MED13L: variants seen among roughly 807,000 people sequenced by gnomAD.
The protein encoded by MED13L is mediator complex subunit 13L, also known as mediator of RNA polymerase II transcription subunit 13-like.
In MED13L, 7 loss-of-function variants were observed where a neutral mutation model predicts 220.9. The observed-to-expected ratio is 0.03, with a 90% CI of 0.02 to 0.06. The LOEUF is 0.06. Ranked by LOEUF, MED13L falls within the 10% of genes least tolerant of loss-of-function variation. The pLI, the probability that MED13L is intolerant of heterozygous loss-of-function variation, is 1.00. For missense variants in MED13L, 1,965 were observed against 2,760.5 expected, an observed-to-expected ratio of 0.71 and a Z score of 6.46; for synonymous variants, 1,011 against 1,015.2, an observed-to-expected ratio of 1.00 and a Z score of 0.08.
At chr12:116,140,234 T>C (rs1876944192) in intron 2 of MED13L, among the ~76,000 whole-genome samples, 1 of 152,328 alleles carries the variant, frequency 6.6e-6, no homozygotes, top group South Asian at 2.1e-4. Context: ...TTAATATTTA[T>C]GCGTGATTAT....
chr12:116,276,308 T>TTGTGTGTGTGTGTGTGTGTGTGTGTGTG, intron 1 of MED13L: 1 of 222,462 alleles, frequency 4.5e-6, no homozygotes, highest in African/African-American at 2.5e-5. Flanking sequence ...CTTGTTGCTT[T>TTGTGTGTGTGTGTGTGTGTGTGTGTGTG]TGTGTGTGTG....
intron 2 of MED13L, among the ~76,000 whole-genome samples, chr12:116,144,254 A>G (rs1480273606): frequency 1.3e-5 from 2 of 152,234 alleles, no homozygotes; most frequent in Non-Finnish European, 2.9e-5. Context: ...CATCACCGAT[A>G]AAGTCCACAT....
intron 2 of MED13L, among the ~76,000 whole-genome samples, chr12:116,147,421 C>A (rs972129892): frequency 6.6e-6 from 1 of 152,186 alleles, no homozygotes; most frequent in Non-Finnish European, 1.5e-5. Context: ...GTATCAGACT[C>A]TTCACATCAT....
chr12:116,127,669 T>C (rs955700081), intron 2 of MED13L, among the ~76,000 whole-genome samples: 1 of 152,186 alleles, frequency 6.6e-6, no homozygotes, highest in Non-Finnish European at 1.5e-5. Context: ...ACAGAAATTG[T>C]CATCCCGTTT....
chr12:116,229,914 T>C (rs1869390476), intron 2 of MED13L, among the ~76,000 whole-genome samples: 1 of 152,156 alleles, frequency 6.6e-6, no homozygotes. Context: ...AGAACAGTAA[T>C]GTAATTATTT....
intron 2 of MED13L, among the ~76,000 whole-genome samples, chr12:116,132,650 G>C (rs1187046615): frequency 6.6e-6 from 1 of 152,078 alleles, no homozygotes; most frequent in Non-Finnish European, 1.5e-5. Flanking sequence ...GTCGGGTGCA[G>C]GGGCTCACAT....
intron 4 of MED13L, among the ~76,000 whole-genome samples, chr12:116,043,716 G>A (rs746697477): frequency 3.3e-5 from 5 of 152,132 alleles, no homozygotes; most frequent in Non-Finnish European, 7.3e-5. Flanking sequence ...AGATATCCAG[G>A]AATAAAGCCA....
chr12:116,087,837 T>C (rs1871841363), intron 4 of MED13L, among the ~76,000 whole-genome samples: 2 of 152,048 alleles, frequency 1.3e-5, no homozygotes, highest in Admixed American at 6.6e-5. Context: ...ACTCCAAATA[T>C]ATAATAAAGA....
rs560953505 is a variant in MED13L, at chr12:115,985,683, T to C, written c.4338+583A>G. On this transcript the variant is annotated intron_variant, in intron 19 of 30. Transcript: ENST00000281928. ...TTTTTTAAAGCAACAGGAATTCATA[T>C]ACTAAAGATGTAAAATTATCTGCCT... 1.3e-5 allele frequency among the ~76,000 whole-genome samples: 2 copies of C among 152,324 alleles called. 1 individual carries two copies. Among genetic ancestry groups the C allele is most frequent in the South Asian group, 4.1e-4 (2 of 4,832 alleles).
At chr12:116,217,367 A>G (rs1883065117) in intron 2 of MED13L, among the ~76,000 whole-genome samples, 2 of 152,172 alleles carry the variant, frequency 1.3e-5, no homozygotes, top group Non-Finnish European at 2.9e-5. Flanking sequence ...GACTAAGTAC[A>G]TTTTTTTAAA....
At position 116,162,679 on chromosome 12, in the gene MED13L, CAAT is replaced by C. The variant is rs538787194; in HGVS notation, c.311-51170_311-51168del. Reference sequence around the variant, plus strand: ...AGTAACTATAAAATTACTTCAGAAACAATAAAATTCACATATCTCCAAATAAAC... The same window carrying C: ...AGTAACTATAAAATTACTTCAGAAACAAAATTCACATATCTCCAAATAAAC... On this transcript the variant is annotated intron_variant, in intron 2 of 30. Coordinates refer to ENST00000281928, the MANE Select transcript of MED13L (RefSeq NM_015335.5). Among the ~76,000 whole-genome samples the C allele has an allele frequency of 1.4e-3, 207 of 152,250 alleles. 1 individual carries two copies. Among genetic ancestry groups the C allele is most frequent in the African/African-American group, 4.8e-3 (199 of 41,548 alleles).
At chr12:116,153,042 A>C (rs1878172322) in intron 2 of MED13L, among the ~76,000 whole-genome samples, 1 of 152,154 alleles carries the variant, frequency 6.6e-6, no homozygotes, top group Non-Finnish European at 1.5e-5. Context: ...TAAGTTACTA[A>C]ACCTCTCCGA....
chr12:116,175,494 C>T (rs61935840), intron 2 of MED13L, among the ~76,000 whole-genome samples: 9,526 of 152,184 alleles, frequency 0.063, 397 homozygotes, highest in Middle Eastern at 0.11. Flanking sequence ...AAAATTTAAA[C>T]GGCATGCTGA....
At chr12:116,048,626 C>T (rs1881979420) in intron 4 of MED13L, among the ~76,000 whole-genome samples, 1 of 151,958 alleles carries the variant, frequency 6.6e-6, no homozygotes, top group Admixed American at 6.6e-5. Context: ...AAGAAATAAA[C>T]TTATCTATGA....
chr12:116,263,773 GAC>G (rs1490219270), intron 1 of MED13L, among the ~76,000 whole-genome samples: 1 of 152,130 alleles, frequency 6.6e-6, no homozygotes, highest in Non-Finnish European at 1.5e-5. Context: ...ACAGAGAGAA[GAC>G]ACAACACAGA....
intron 1 of MED13L, among the ~76,000 whole-genome samples, chr12:116,268,104 A>G (rs1026207531): frequency 2.0e-5 from 3 of 152,212 alleles, no homozygotes; most frequent in Non-Finnish European, 2.9e-5. Context: ...ACAGATAGTT[A>G]ATGAGCACCT....
At chr12:116,017,197 G>A (rs1396204317) in intron 7 of MED13L, among the ~76,000 whole-genome samples, 2 of 152,256 alleles carry the variant, frequency 1.3e-5, no homozygotes, top group South Asian at 2.1e-4. Flanking sequence ...AAAGGGGAAG[G>A]AATTTGAAGA....
intron 29 of MED13L, among the ~76,000 whole-genome samples, chr12:115,963,831 A>G (rs754794362): frequency 1.3e-5 from 2 of 152,196 alleles, no homozygotes; most frequent in Non-Finnish European, 2.9e-5. Context: ...CCATGAATTG[A>G]TATCGCCAAG....
intron 2 of MED13L, among the ~76,000 whole-genome samples, chr12:116,201,088 G>A (rs1881980041): frequency 6.6e-6 from 1 of 152,060 alleles, no homozygotes; most frequent in Non-Finnish European, 1.5e-5. Context: ...ACAAAGACTA[G>A]GATCAACTGA....
Sources: gnomAD v4.1 joint callset for allele counts (sites outside exome capture counted in the v4.1 genomes callset) on GRCh38, gnomAD v4.1.1 for gene constraint, MANE v1.5 for transcripts, NCBI Gene and HGNC (gene_info 2026-07-23, HGNC 2026-07-21) for gene names.